Variants in KAT2B observed in about 807,000 individuals in gnomAD.
KAT2B encodes histone acetyltransferase KAT2B.
A neutral mutation model predicts 105.9 loss-of-function variants in KAT2B; 36 were observed. That is an observed-to-expected ratio of 0.34 (90% CI 0.26 to 0.45). The LOEUF is 0.45. KAT2B is among the 20% of genes least tolerant of loss of function. KAT2B has a pLI of 1.00. For missense variants in KAT2B, 820 were observed against 1,021.6 expected (o/e 0.80, Z 2.69); for synonymous variants, 397 against 377.9 (o/e 1.05, Z -0.59).
intron 12 of KAT2B, among the ~76,000 whole-genome samples, chr3:20,138,965 C>T (rs1329003887): frequency 6.6e-6 from 1 of 152,176 alleles, no homozygotes; most frequent in African/African-American, 2.4e-5. Flanking sequence ...ATGATCATAG[C>T]TCACTGCAGC....
chr3:20,079,858 G>A (rs908532880), intron 2 of KAT2B, among the ~76,000 whole-genome samples: 8 of 152,148 alleles, frequency 5.3e-5, no homozygotes, highest in African/African-American at 1.7e-4. Flanking sequence ...TTCAGATGCC[G>A]GTTTCAGAGT....
intron 1 of KAT2B, among the ~76,000 whole-genome samples, chr3:20,071,191 G>A (rs1559518028): frequency 6.6e-6 from 1 of 152,108 alleles, no homozygotes; most frequent in Non-Finnish European, 1.5e-5. Context: ...TTCTAAATCT[G>A]TATATTTTGC....
At chr3:20,052,389 G>A (rs1395896660) in intron 1 of KAT2B, among the ~76,000 whole-genome samples, 2 of 152,212 alleles carry the variant, frequency 1.3e-5, no homozygotes, top group Admixed American at 6.5e-5. Context: ...AGGAGAAACA[G>A]ACAAGTTGTA....
At position 20,140,276 on chromosome 3, in the gene KAT2B, A is replaced by T; in HGVS notation, c.1916A>T (p.Asp639Val). Residue 639 changes from aspartate (D) to valine (V), a missense_variant, in exon 13 of 18, where the codon GAT (aspartate) becomes GTT (valine). Physicochemically the swap from Asp to Val is radical, Grantham distance 152. Coordinates refer to ENST00000263754, the MANE Select transcript of KAT2B (RefSeq NM_003884.5). ...PKTKYVGYIK[D>V]YEGATLMGCE... ...ACCAAATATGTTGGCTATATCAAGGATTATGAAGGAGCCACTTTAATGGGA... is the reference window on the plus strand; with the variant it reads ...ACCAAATATGTTGGCTATATCAAGGTTTATGAAGGAGCCACTTTAATGGGA... The T allele has an allele frequency of 6.2e-7, 1 of 1,611,740 alleles. No individual in the cohort carries two copies. Among genetic ancestry groups the T allele is most frequent in the Non-Finnish European group, 8.5e-7 (1 of 1,177,846 alleles).
At chr3:20,076,525 G>A (rs1355885969) in intron 2 of KAT2B, among the ~76,000 whole-genome samples, 2 of 151,740 alleles carry the variant, frequency 1.3e-5, no homozygotes, top group Non-Finnish European at 1.5e-5. Flanking sequence ...CCTCCTTTCC[G>A]TGCTTTTTGA....
Position 20,103,463 on chromosome 3 carries a change from G to A in KAT2B, c.851+1995G>A, listed in dbSNP as rs147024080. ...CTTATTCTGTATCCTGGGCTGGAGC[G>A]CAGTGGCATGATCATAGCTCACTGT... is the stretch of plus-strand genomic sequence containing the variant. On this transcript the variant is annotated intron_variant, in intron 5 of 17. Coordinates refer to ENST00000263754, the MANE Select transcript of KAT2B (RefSeq NM_003884.5). Among the ~76,000 whole-genome samples the A allele has an allele frequency of 7.1e-3, 1,076 of 151,988 alleles. 10 individuals carry two copies. Among genetic ancestry groups the A allele is most frequent in the African/African-American group, 0.022 (922 of 41,426 alleles).
chr3:20,079,709 CT>C (rs1453320712), intron 2 of KAT2B, among the ~76,000 whole-genome samples: 1 of 152,154 alleles, frequency 6.6e-6, no homozygotes, highest in African/African-American at 2.4e-5. Context: ...TAATTGCCCC[CT>C]CAGTTCCCAT....
chr3:20,062,571 C>T (rs1380969516), intron 1 of KAT2B, among the ~76,000 whole-genome samples: 1 of 150,278 alleles, frequency 6.7e-6, no homozygotes, highest in African/African-American at 2.5e-5. Flanking sequence ...AAGCGATTCT[C>T]TTGCCTCAGC....
chr3:20,117,217 T>G (rs1699221767), intron 7 of KAT2B, among the ~76,000 whole-genome samples: 2 of 152,116 alleles, frequency 1.3e-5, no homozygotes, highest in East Asian at 3.8e-4. Context: ...CCTATGGGAA[T>G]TTTATTCGTT....
intron 2 of KAT2B, among the ~76,000 whole-genome samples, chr3:20,091,904 A>G (rs1559309999): frequency 6.6e-6 from 1 of 152,214 alleles, no homozygotes; most frequent in African/African-American, 2.4e-5. Flanking sequence ...CACCAATCCA[A>G]TACTTTCCTA....
At chr3:20,083,099 A>G (rs1698548888) in intron 2 of KAT2B, among the ~76,000 whole-genome samples, 1 of 152,242 alleles carries the variant, frequency 6.6e-6, no homozygotes. Context: ...CTACTGATAC[A>G]GTGTACATTG....
intron 2 of KAT2B, 39 bp from the exon 3 acceptor site, chr3:20,095,224 A>G (rs375207374): frequency 1.3e-4 from 200 of 1,569,026 alleles, no homozygotes; most frequent in Admixed American, 2.5e-4. Flanking sequence ...TTGGTTTCCA[A>G]TTGAGGTCTT....
intron 9 of KAT2B, among the ~76,000 whole-genome samples, chr3:20,124,988 T>A (rs111925424): frequency 6.6e-6 from 1 of 152,128 alleles, no homozygotes; most frequent in Non-Finnish European, 1.5e-5. Context: ...TCAACAGATA[T>A]TCTCTGGAAA....
At chr3:20,052,980 AAAAG>A (rs2125167114) in intron 1 of KAT2B, among the ~76,000 whole-genome samples, 1 of 152,304 alleles carries the variant, frequency 6.6e-6, no homozygotes, top group African/African-American at 2.4e-5. Context: ...CCGTCTTCAA[AAAAG>A]AAAGATGAGG....
At chr3:20,121,734 G>GTA (rs1699313673) in intron 8 of KAT2B, among the ~76,000 whole-genome samples, 2 of 19,930 alleles carry the variant, frequency 1.0e-4, no homozygotes, top group South Asian at 4.1e-3. Flanking sequence ...ATATGCATAT[G>GTA]TGTGTGTGTG....
intron 1 of KAT2B, among the ~76,000 whole-genome samples, chr3:20,049,853 G>C (rs1697884241): frequency 1.3e-5 from 2 of 152,154 alleles, no homozygotes; most frequent in Admixed American, 6.6e-5. Flanking sequence ...ACCTACTCAG[G>C]CTATAGAAGG....
At chr3:20,062,048 CATATA>C (rs1270831642) in intron 1 of KAT2B, among the ~76,000 whole-genome samples, 12,828 of 87,928 alleles carry the variant, frequency 0.15, 1,549 homozygotes, top group Non-Finnish European at 0.21. Context: ...ATATATAAAA[CATATA>C]ATATATATTA....
At chr3:20,047,467 C>G (rs953592158) in intron 1 of KAT2B, among the ~76,000 whole-genome samples, 3 of 152,102 alleles carry the variant, frequency 2.0e-5, no homozygotes, top group African/African-American at 4.8e-5. Context: ...AGCTTTATTG[C>G]GGTATAATTT....
chr3:20,135,482 G>A (rs1002262202), intron 11 of KAT2B, among the ~76,000 whole-genome samples: 3 of 151,926 alleles, frequency 2.0e-5, no homozygotes, highest in South Asian at 2.1e-4. Context: ...GTGAAACCCC[G>A]TCTCTACTAA....
Sources: allele counts gnomAD v4.1 joint callset (sites outside exome capture counted in the v4.1 genomes callset), GRCh38; gene constraint gnomAD v4.1.1; transcripts MANE v1.5; gene names NCBI Gene and HGNC (gene_info 2026-07-23, HGNC 2026-07-21).